Variants in SNRPN observed in about 807,000 individuals in gnomAD.
SNRPN encodes small nuclear ribonucleoprotein-associated protein N.
A neutral mutation model predicts 25.2 loss-of-function variants in SNRPN; 7 were observed. The ratio of observed to expected loss-of-function variants is 0.28; its 90% CI spans 0.16 to 0.52. The LOEUF (loss-of-function observed/expected upper bound fraction) is 0.52, where lower values mean the gene tolerates loss of function less well. Among genes scored for constraint, SNRPN ranks in the 20% least tolerant of loss-of-function variants. The pLI is 0.96. For missense variants in SNRPN, 196 were observed against 322.5 expected (o/e 0.61, Z 3.00); for synonymous variants, 124 against 110.6 (o/e 1.12, Z -0.76).
At chr15:24,852,370 A>T (rs556132939), upstream of SNRPN, 12 of 152,310 alleles carry the variant, frequency 7.9e-5, no homozygotes, top group African/African-American at 2.9e-4. Flanking sequence ...ATGGAAACTT[A>T]GGCGATCATT....
chr15:24,874,015 G>GGA (rs769735198), intron 1 of SNRPN, among the ~76,000 whole-genome samples: 6 of 127,216 alleles, frequency 4.7e-5, no homozygotes, highest in South Asian at 2.6e-4. Context: ...TTCATCTTCA[G>GGA]AAAAAAAAAA....
At chr15:24,849,088 A>T (rs1206987036) in intron 2 of SNRPN, 1 of 152,098 alleles carries the variant, frequency 6.6e-6, no homozygotes, top group Non-Finnish European at 1.5e-5. Context: ...ACATGCCACC[A>T]CGCCCAGCTA....
At chr15:24,855,345 A>G (rs1488501988), upstream of SNRPN, among the ~76,000 whole-genome samples, 1 of 152,164 alleles carries the variant, frequency 6.6e-6, no homozygotes, top group Non-Finnish European at 1.5e-5. Flanking sequence ...TTTACTCCCA[A>G]TCACCTAGTG....
At chr15:24,937,085 A>G (rs2061278611) in intron 3 of SNRPN, among the ~76,000 whole-genome samples, 1 of 151,944 alleles carries the variant, frequency 6.6e-6, no homozygotes, top group Admixed American at 6.6e-5. Context: ...TACTAAACAT[A>G]CAAAAATTAG....
At chr15:24,851,375 T>A (rs1250237967) in intron 2 of SNRPN, 1 of 152,134 alleles carries the variant, frequency 6.6e-6, no homozygotes, top group East Asian at 1.9e-4. Flanking sequence ...TGAAATGGAA[T>A]GGACAAGGAA....
At chr15:24,964,378 C>T (rs577708554) in intron 2 of SNRPN, among the ~76,000 whole-genome samples, 34 of 152,070 alleles carry the variant, frequency 2.2e-4, no homozygotes, top group African/African-American at 5.5e-4. Flanking sequence ...GTGCAACCTC[C>T]GCCTACCAAG....
chr15:24,867,467 C>T (rs1417914998), intron 1 of SNRPN, among the ~76,000 whole-genome samples: 1 of 151,438 alleles, frequency 6.6e-6, no homozygotes, highest in African/African-American at 2.4e-5. Context: ...CTCCGCCTCC[C>T]TGGTTCACGC....
At chr15:24,962,025 T>A in intron 1 of SNRPN, 89 bp from the exon 2 acceptor site, 1 of 1,073,712 alleles carries the variant, frequency 9.3e-7, no homozygotes, top group South Asian at 1.3e-5. Flanking sequence ...TCCATTATAT[T>A]AAATGTAGTT....
chr15:24,831,663 T>A (rs2050532570), intron 2 of SNRPN, among the ~76,000 whole-genome samples: 1 of 152,026 alleles, frequency 6.6e-6, no homozygotes, highest in Non-Finnish European at 1.5e-5. Context: ...TACTCACCAT[T>A]CTACTTTGTA....
intron 2 of SNRPN, among the ~76,000 whole-genome samples, chr15:24,913,362 G>A (rs1219777320): frequency 6.6e-6 from 1 of 152,158 alleles, no homozygotes; most frequent in Non-Finnish European, 1.5e-5. Flanking sequence ...GAGTATAAGG[G>A]CTGGGCATAG....
chr15:24,883,953 C>G (rs2056960691), intron 1 of SNRPN, among the ~76,000 whole-genome samples: 1 of 145,830 alleles, frequency 6.9e-6, no homozygotes, highest in African/African-American at 2.6e-5. Context: ...TTGCAGTGAG[C>G]TGAGATCGTG....
At chr15:24,961,800 A>G (rs1490756886) in intron 1 of SNRPN, among the ~76,000 whole-genome samples, 1 of 152,182 alleles carries the variant, frequency 6.6e-6, no homozygotes, top group Non-Finnish European at 1.5e-5. Flanking sequence ...GTATGTATGT[A>G]TCTACATCTG....
chr15:24,843,516 C>T (rs1481875257), intron 2 of SNRPN, among the ~76,000 whole-genome samples: 2 of 152,270 alleles, frequency 1.3e-5, no homozygotes, highest in East Asian at 1.9e-4. Flanking sequence ...GGTGCAGTGG[C>T]TCATGCCTGT....
chr15:24,976,203 T>A (rs2077042875), intron 5 of SNRPN, 102 bp from the exon 6 acceptor site: 2 of 878,362 alleles, frequency 2.3e-6, no homozygotes, highest in Non-Finnish European at 3.7e-6. Flanking sequence ...CAGTAAATGT[T>A]TAGCATCAGT....
chr15:24,969,019 A>G (rs2076056826), intron 3 of SNRPN, among the ~76,000 whole-genome samples: 1 of 152,280 alleles, frequency 6.6e-6, no homozygotes, highest in African/African-American at 2.4e-5. Context: ...GCAGAGAGGA[A>G]TTGGGTTTAC....
At chr15:24,937,394 C>T (rs1333823248) in intron 3 of SNRPN, among the ~76,000 whole-genome samples, 4 of 151,996 alleles carry the variant, frequency 2.6e-5, no homozygotes, top group Non-Finnish European at 5.9e-5. Context: ...ACAAAACAGG[C>T]ATGGTGATGT....
intron 1 of SNRPN, among the ~76,000 whole-genome samples, chr15:24,859,735 T>C (rs1201335563): frequency 6.6e-6 from 1 of 152,232 alleles, no homozygotes; most frequent in African/African-American, 2.4e-5. Context: ...AGAGCAGCCC[T>C]GTGGGCTGCT....
intron 3 of SNRPN, among the ~76,000 whole-genome samples, chr15:24,943,276 C>T (rs1427044088): frequency 4.0e-5 from 6 of 149,382 alleles, no homozygotes; most frequent in Non-Finnish European, 7.3e-5. Flanking sequence ...CACCACTCTT[C>T]TTCAGGGAGG....
At chr15:24,910,846 C>A in intron 2 of SNRPN, 1 of 569,736 alleles carries the variant, frequency 1.8e-6, no homozygotes, top group South Asian at 2.6e-5. Context: ...AGATGGTTTC[C>A]CACTCATCTT....
Sources: gnomAD v4.1 joint callset for allele counts (sites outside exome capture counted in the v4.1 genomes callset) on GRCh38, gnomAD v4.1.1 for gene constraint, MANE v1.5 for transcripts, NCBI Gene and HGNC (gene_info 2026-07-23, HGNC 2026-07-21) for gene names.